LINGO3: variants seen among roughly 807,000 people sequenced by gnomAD.
LINGO3 encodes leucine-rich repeat and immunoglobulin-like domain-containing nogo receptor-interacting protein 3.
For missense variants in LINGO3, 750 were observed against 867.7 expected, an observed-to-expected ratio of 0.86 and a Z score of 1.70; for synonymous variants, 427 against 444.2, an observed-to-expected ratio of 0.96 and a Z score of 0.49.
chr19:2,302,886 A>T, the LINGO3 span, among the ~76,000 whole-genome samples: 1 of 151,962 alleles, frequency 6.6e-6, no homozygotes, highest in Non-Finnish European at 1.5e-5. Flanking sequence ...ATGCGATCGC[A>T]CCCCAGGACT....
chr19:2,290,548 C>G lies in LINGO3; in HGVS notation c.1229G>C (p.Arg410Pro), dbSNP rs781146755. The change falls in exon 1 of 1, where the codon CGG becomes CCG. Residue 410 changes from arginine to proline, a missense_variant. Transcript: ENST00000585527. This position sits in a 1 kb window ranked among gnomAD's most constrained non-coding sequence, Gnocchi z 6.0. Reference sequence around the variant, plus strand: ...CGTGACGCGCTGCAGCCGCCGCTCCCGGATCTTGGGTTTGCGGCACACGAA... The same window carrying G: ...CGTGACGCGCTGCAGCCGCCGCTCCGGGATCTTGGGTTTGCGGCACACGAA... 32 of 1,531,598 alleles carry G rather than the reference C, an allele frequency of 2.1e-5. No individual in the cohort carries two copies. Among genetic ancestry groups the G allele is most frequent in the Non-Finnish European group, 2.7e-5 (31 of 1,144,524 alleles). The allele number at this position is 1,531,598 out of a possible 1,614,324, so 94.9% of individuals were successfully genotyped here.
chr19:2,289,290 G>C (rs1205792593), downstream of LINGO3, among the ~76,000 whole-genome samples: 1 of 151,568 alleles, frequency 6.6e-6, no homozygotes, highest in Non-Finnish European at 1.5e-5. Context: ...TCCTGGGTGT[G>C]AGCTGTGTGT....
At chr19:2,292,630 C>A (rs1485831137), upstream of LINGO3, among the ~76,000 whole-genome samples, 1 of 151,578 alleles carries the variant, frequency 6.6e-6, no homozygotes, top group African/African-American at 2.4e-5. Context: ...GCTGGGATTA[C>A]AGGTGCCCGC....
chr19:2,302,540 G>T, the LINGO3 span, among the ~76,000 whole-genome samples: 1 of 152,206 alleles, frequency 6.6e-6, no homozygotes, highest in East Asian at 1.9e-4. Context: ...GTTGGCGACC[G>T]AGAACCTTCC....
At chr19:2,296,912 C>A (rs569250487), upstream of LINGO3, among the ~76,000 whole-genome samples, 1 of 151,506 alleles carries the variant, frequency 6.6e-6, no homozygotes, top group Non-Finnish European at 1.5e-5. Context: ...CATGGTGAAA[C>A]CCCGTCTCTA....
the LINGO3 span, among the ~76,000 whole-genome samples, chr19:2,297,165 G>C: frequency 1.3e-5 from 2 of 151,790 alleles, no homozygotes; most frequent in African/African-American, 4.8e-5. Context: ...CCATCTGTTG[G>C]CCTGCAAGAC....
upstream of LINGO3, among the ~76,000 whole-genome samples, chr19:2,294,393 T>A (rs2025555289): frequency 6.6e-6 from 1 of 152,132 alleles, no homozygotes. The surrounding 1 kb of genome is among the most constrained non-coding windows in gnomAD (Gnocchi z 4.3). Flanking sequence ...ACCTTGATTT[T>A]GGACTTCCGC....
chr19:2,300,117 C>T, the LINGO3 span, among the ~76,000 whole-genome samples: 56 of 147,806 alleles, frequency 3.8e-4, no homozygotes, highest in African/African-American at 1.2e-3. Flanking sequence ...CCGCAGCCTT[C>T]GCCTCCCGGG....
chr19:2,290,308 G>A lies in LINGO3; in HGVS notation c.1469C>T (p.Thr490Ile). The stretch of plus-strand genomic sequence containing the variant: ...GCGCACGGTCAGCGTGGCGAAGTAG[G>A]TGTCGTTGCCGCCCGCGTTGCTGGC... Residue 490 changes from threonine to isoleucine, a missense_variant, in exon 1 of 1, where the codon ACC becomes ATC. Physicochemically the swap from Thr to Ile is moderately conservative, Grantham distance 89. Coordinates refer to ENST00000585527, the Ensembl canonical transcript of LINGO3. This position sits in a 1 kb window ranked among gnomAD's most constrained non-coding sequence, Gnocchi z 6.0. The A allele has an allele frequency of 6.4e-7, 1 of 1,569,792 alleles. No individual in the cohort carries two copies. Among genetic ancestry groups the A allele is most frequent in the Non-Finnish European group, 8.6e-7 (1 of 1,164,300 alleles).
upstream of LINGO3, among the ~76,000 whole-genome samples, chr19:2,294,185 C>G (rs753600592): frequency 8.5e-5 from 13 of 152,174 alleles, no homozygotes; most frequent in Admixed American, 2.0e-4. This position sits in a 1 kb window ranked among gnomAD's most constrained non-coding sequence, Gnocchi z 4.3. Flanking sequence ...CCTTTTCCAA[C>G]GACTCCTGTC....
downstream of LINGO3, among the ~76,000 whole-genome samples, chr19:2,287,335 C>A (rs2025477833): frequency 6.6e-6 from 1 of 151,900 alleles, no homozygotes; most frequent in African/African-American, 2.4e-5. This position sits in a 1 kb window ranked among gnomAD's most constrained non-coding sequence, Gnocchi z 4.5. Context: ...GAGAATGCAC[C>A]CCCTCCTGTC....
At chr19:2,292,023 A>C (rs554393225) in exon 1 of LINGO3, 8 of 494,994 alleles carry the variant, frequency 1.6e-5, no homozygotes, top group South Asian at 1.3e-4. Context: ...TCCCATCTCT[A>C]CAAAAAAATA....
the LINGO3 span, among the ~76,000 whole-genome samples, chr19:2,307,366 G>GGACCC: frequency 1.3e-5 from 2 of 152,182 alleles, no homozygotes; most frequent in South Asian, 4.1e-4. Flanking sequence ...GTAAGGACCC[G>GGACCC]GGGCTTTTCT....
At position 2,289,946 on chromosome 19, in the gene LINGO3, C is replaced by T. The variant is rs981569854; in HGVS notation, c.*52G>A. ...TCCGGGAAATGCATAGGTGGACACG[C>T]GAGCGGCCGGCCCGCGGGGGAGGGG... On this transcript the variant is annotated 3_prime_UTR_variant, in exon 1 of 1. Coordinates refer to ENST00000585527, the Ensembl canonical transcript of LINGO3. 21 of 1,426,440 alleles carry T rather than the reference C, an allele frequency of 1.5e-5. No homozygotes were observed. The African/African-American group carries it at 3.0e-4, about 21-fold the overall frequency. The allele number at this position is 1,426,440 out of a possible 1,614,324, so 88.4% of individuals were successfully genotyped here.
chr19:2,293,650 G>A (rs556690723), upstream of LINGO3, among the ~76,000 whole-genome samples: 8 of 150,858 alleles, frequency 5.3e-5, 1 homozygote, highest in South Asian at 4.4e-4. Context: ...GTGAGCCACC[G>A]CGCCCGTCCG....
Position 2,291,411 on chromosome 19 carries a change from GA to G in LINGO3, c.365del (p.Phe122SerfsTer12), listed in dbSNP as rs2025519654. On this transcript the variant is annotated frameshift_variant, in exon 1 of 1. Coordinates refer to ENST00000585527, the Ensembl canonical transcript of LINGO3. LOFTEE classifies it low-confidence loss of function (END_TRUNC). ...GCAGCGTGAGGTTGTCCAGGCGCGTGAAGACCCCGGGCGGGATGAGCTTCAG... is the reference window on the plus strand; with the variant it reads ...GCAGCGTGAGGTTGTCCAGGCGCGTGAGACCCCGGGCGGGATGAGCTTCAG... 1 of 1,613,324 alleles carries G rather than the reference GA, an allele frequency of 6.2e-7. No homozygotes were observed. Among genetic ancestry groups the G allele is most frequent in the Non-Finnish European group, 8.5e-7 (1 of 1,179,714 alleles).
At position 2,291,824 on chromosome 19, in the gene LINGO3, T is replaced by TGCGG. The variant is rs1457289738; in HGVS notation, c.-52_-49dup. On this transcript the variant is annotated 5_prime_UTR_variant, in exon 1 of 1. Coordinates refer to ENST00000585527, the Ensembl canonical transcript of LINGO3. ...CCGCGCCACCATCCTCCTGCGCACC[T>TGCGG]GCGGGCGGGCGGGGAGCGGGCAGCG... 6 of 1,435,670 alleles carry TGCGG rather than the reference T, an allele frequency of 4.2e-6. No homozygotes were observed. The highest frequency in any genetic ancestry group is 2.9e-5 in the East Asian group (1 of 33,956). 88.9% of individuals were successfully genotyped at this position (1,435,670 alleles called of 1,614,324 possible). A position where few individuals can be genotyped will look rare whatever the true frequency, so the allele number is the denominator to read the frequency against.
chr19:2,290,983 G>C lies in LINGO3; in HGVS notation c.794C>G (p.Ala265Gly). 6.2e-7 allele frequency: 1 copy of C among 1,611,686 alleles called. No individual in the cohort carries two copies. Among genetic ancestry groups the C allele is most frequent in the African/African-American group, 1.3e-5 (1 of 75,034 alleles). ...GGTGAGGTGCGCCTGGTGCCGCAGC[G>C]CGGCGGCCGGCACGGCGGTGATGTT... Residue 265 changes from alanine (A) to glycine (G), a missense_variant, in exon 1 of 1, where the codon GCG (alanine) becomes GGG (glycine). By Grantham distance (60) the Ala-to-Gly change is moderately conservative. Coordinates refer to ENST00000585527, the Ensembl canonical transcript of LINGO3. The surrounding 1 kb of genome is among the most constrained non-coding windows in gnomAD (Gnocchi z 6.0).
chr19:2,291,438 C>G, exon 1 of LINGO3: 7 of 1,613,284 alleles, frequency 4.3e-6, no homozygotes, highest in Non-Finnish European at 5.9e-6. Flanking sequence ...TGAGCTTCAG[C>G]TGGTTGCCAC....
Sources: allele counts gnomAD v4.1 joint callset (sites outside exome capture counted in the v4.1 genomes callset), GRCh38; gene constraint gnomAD v4.1.1; non-coding constraint Gnocchi (gnomAD v3.1); transcripts MANE v1.5; gene names NCBI Gene and HGNC (gene_info 2026-07-23, HGNC 2026-07-21).